NELL1: variants seen among roughly 807,000 people sequenced by gnomAD.
The protein encoded by NELL1 is protein kinase C-binding protein NELL1.
Under a neutral mutation model 107.4 loss-of-function variants are expected in NELL1, and 76 were observed. That is an observed-to-expected ratio of 0.71 (90% confidence interval 0.59 to 0.86). The LOEUF is 0.86. NELL1 is among the 40% of genes least tolerant of loss of function. NELL1 has a pLI of 0.00. For synonymous variants in NELL1, 353 were observed against 341.2 expected (o/e 1.03, Z -0.38); for missense variants, 1,024 against 1,005.5 (o/e 1.02, Z -0.25).
intron 13 of NELL1, among the ~76,000 whole-genome samples, chr11:21,199,622 A>G (rs1857223532): frequency 2.0e-5 from 3 of 152,090 alleles, no homozygotes; most frequent in Non-Finnish European, 4.4e-5. Context: ...TATATTGGTT[A>G]CTGTGCAAAA....
At chr11:21,080,519 T>C (rs1443066522) in intron 12 of NELL1, among the ~76,000 whole-genome samples, 1 of 152,142 alleles carries the variant, frequency 6.6e-6, no homozygotes, top group Non-Finnish European at 1.5e-5. Flanking sequence ...AATCATATTA[T>C]ATCTTTCTAT....
chr11:20,772,353 G>A (rs1234857043), intron 2 of NELL1, among the ~76,000 whole-genome samples: 1 of 152,096 alleles, frequency 6.6e-6, no homozygotes, highest in Non-Finnish European at 1.5e-5. Flanking sequence ...CTACAAAGTT[G>A]GAGTCAGAGA....
At chr11:20,790,174 C>A (rs7109190) in intron 3 of NELL1, among the ~76,000 whole-genome samples, 45,057 of 152,142 alleles carry the variant, frequency 0.3, 6,977 homozygotes, top group African/African-American at 0.35. Flanking sequence ...CCAGCCACTT[C>A]CACCCAGGAA....
chr11:20,882,813 C>T (rs1435423888), intron 4 of NELL1, among the ~76,000 whole-genome samples: 2 of 152,186 alleles, frequency 1.3e-5, no homozygotes, highest in East Asian at 3.8e-4. Context: ...ATCCAGGATC[C>T]CATCTTGCGT....
At chr11:21,024,331 A>C (rs185856216) in intron 12 of NELL1, among the ~76,000 whole-genome samples, 1 of 152,156 alleles carries the variant, frequency 6.6e-6, no homozygotes, top group Admixed American at 6.6e-5. Context: ...ATTTGACTAC[A>C]TTGTCTGTTT....
At chr11:20,884,113 C>T (rs995342563) in intron 4 of NELL1, among the ~76,000 whole-genome samples, 1 of 152,290 alleles carries the variant, frequency 6.6e-6, no homozygotes, top group Admixed American at 6.5e-5. Flanking sequence ...GAAAACCTTG[C>T]ATGTATTAGG....
chr11:20,859,766 A>G (rs527726617), intron 4 of NELL1, among the ~76,000 whole-genome samples: 55 of 151,064 alleles, frequency 3.6e-4, no homozygotes, highest in African/African-American at 1.3e-3. Context: ...ACCTAATTAG[A>G]TATGTACTAG....
intron 12 of NELL1, among the ~76,000 whole-genome samples, chr11:20,989,870 G>A (rs9804480): frequency 2.6e-5 from 4 of 151,674 alleles, no homozygotes; most frequent in Non-Finnish European, 5.9e-5. Context: ...GGTGGCGGGC[G>A]CCTGTAGTCC....
At chr11:20,790,319 G>A (rs1460476599) in intron 3 of NELL1, among the ~76,000 whole-genome samples, 1 of 152,220 alleles carries the variant, frequency 6.6e-6, no homozygotes, top group Non-Finnish European at 1.5e-5. Context: ...TCCAGAGAGG[G>A]CTAAGGTGGC....
chr11:20,735,912 G>C (rs1564886211), intron 2 of NELL1, among the ~76,000 whole-genome samples: 1 of 152,126 alleles, frequency 6.6e-6, no homozygotes, highest in Non-Finnish European at 1.5e-5. Context: ...TGTAAAGTAT[G>C]ATGCAGTAGA....
intron 15 of NELL1, among the ~76,000 whole-genome samples, chr11:21,533,245 G>A (rs533752871): frequency 1.6e-4 from 24 of 152,220 alleles, no homozygotes; most frequent in East Asian, 1.5e-3. Context: ...TTAACAGCCC[G>A]GTGCACAACA....
chr11:21,012,402 T>G (rs1852467059), intron 12 of NELL1, among the ~76,000 whole-genome samples: 1 of 152,048 alleles, frequency 6.6e-6, no homozygotes, highest in Admixed American at 6.6e-5. Context: ...GTCTTGAAAT[T>G]AGGGTCATCA....
intron 3 of NELL1, among the ~76,000 whole-genome samples, chr11:20,821,982 A>AT (rs1228270963): frequency 6.6e-6 from 1 of 152,028 alleles, no homozygotes; most frequent in Non-Finnish European, 1.5e-5. Flanking sequence ...GTTCTTTTCC[A>AT]TTTTTCTCTT....
At chr11:21,435,819 C>T (rs1853100968) in intron 15 of NELL1, among the ~76,000 whole-genome samples, 1 of 151,034 alleles carries the variant, frequency 6.6e-6, no homozygotes, top group Admixed American at 6.6e-5. Context: ...TATGTGTGTC[C>T]ATGTCTGATG....
At chr11:21,312,618 G>T (rs1426460076) in intron 14 of NELL1, among the ~76,000 whole-genome samples, 1 of 152,036 alleles carries the variant, frequency 6.6e-6, no homozygotes, top group African/African-American at 2.4e-5. Context: ...AAGGTTAGAG[G>T]ATTGAAGTAA....
intron 15 of NELL1, among the ~76,000 whole-genome samples, chr11:21,372,578 C>T (rs947502286): frequency 2.0e-5 from 3 of 151,788 alleles, no homozygotes; most frequent in African/African-American, 7.3e-5. Flanking sequence ...AGTTGTATCT[C>T]ACAAAGCCTG....
intron 9 of NELL1, 56 bp downstream of exon 9, chr11:20,928,535 A>AT: frequency 7.1e-7 from 1 of 1,407,374 alleles, no homozygotes; most frequent in Non-Finnish European, 1.0e-6. Context: ...TTATTTATTT[A>AT]TTTTCCCTGT....
intron 14 of NELL1, among the ~76,000 whole-genome samples, chr11:21,240,114 C>T (rs1252234333): frequency 1.3e-5 from 2 of 152,026 alleles, no homozygotes; most frequent in South Asian, 2.1e-4. Flanking sequence ...CATTCCTCTA[C>T]CATTCCCTCC....
At chr11:21,052,890 G>A (rs1448275201) in intron 12 of NELL1, among the ~76,000 whole-genome samples, 2 of 152,106 alleles carry the variant, frequency 1.3e-5, no homozygotes, top group African/African-American at 2.4e-5. Flanking sequence ...AAGTTGGAAT[G>A]GTAGGCAGGA....
Sources: allele counts gnomAD v4.1 joint callset (sites outside exome capture counted in the v4.1 genomes callset), GRCh38; gene constraint gnomAD v4.1.1; transcripts MANE v1.5; gene names NCBI Gene and HGNC (gene_info 2026-07-23, HGNC 2026-07-21).